CLSTN2: variants seen among roughly 807,000 people sequenced by gnomAD.
CLSTN2 encodes the protein calsyntenin-2.
CLSTN2 carries 48 observed loss-of-function variants against 101.2 expected under a neutral mutation model. That is an observed-to-expected ratio of 0.47 (90% CI 0.38 to 0.60). The LOEUF (loss-of-function observed/expected upper bound fraction) is 0.60. Ranked by LOEUF, CLSTN2 falls within the 20% of genes least tolerant of loss-of-function variation. The probability of loss-of-function intolerance (pLI) is 0.00; values close to 1 mark genes in which losing one functional copy is unlikely to be tolerated. For synonymous variants in CLSTN2, 481 were observed against 463.6 expected (o/e 1.04, Z -0.48); for missense variants, 1,160 against 1,238.2 (o/e 0.94, Z 0.95).
intron 2 of CLSTN2, among the ~76,000 whole-genome samples, chr3:140,276,396 G>A (rs1478236701): frequency 2.6e-5 from 4 of 152,116 alleles, no homozygotes; most frequent in East Asian, 1.9e-4. Context: ...CACCCTTCAC[G>A]GCTCAGTTAT....
rs1480013469 is a variant in CLSTN2, at chr3:140,556,583, T to A, written c.1745T>A (p.Leu582His). Reference protein sequence around the residue: ...GDDIGNINRALQKVSYINSRQ... With the variant: ...GDDIGNINRAHQKVSYINSRQ... ...GACATTGGGAACATTAACCGTGCTC[T>A]CCAGAAAGTCTCCTACATCAACTCC... is the stretch of plus-strand genomic sequence containing the variant. Residue 582 changes from leucine (L) to histidine (H), a missense_variant, in exon 11 of 17, where the codon CTC becomes CAC. Transcript: ENST00000458420. 6.2e-7 allele frequency: 1 copy of A among 1,614,084 alleles called. No individual in the cohort carries two copies. Among genetic ancestry groups the A allele is most frequent in the Non-Finnish European group, 8.5e-7 (1 of 1,179,984 alleles).
chr3:140,404,380 G>A (rs541115216), intron 3 of CLSTN2, among the ~76,000 whole-genome samples, 178 bp from the exon 4 acceptor site: 2 of 152,248 alleles, frequency 1.3e-5, no homozygotes, highest in South Asian at 2.1e-4. Context: ...TCAGAGCAAG[G>A]GCAAGTAGAG....
chr3:140,161,200 T>G (rs1463660915), intron 1 of CLSTN2, among the ~76,000 whole-genome samples: 1 of 152,146 alleles, frequency 6.6e-6, no homozygotes, highest in Non-Finnish European at 1.5e-5. Flanking sequence ...GAATTACCCT[T>G]TAAAATCTCC....
At chr3:140,016,171 T>C (rs780233388) in intron 1 of CLSTN2, among the ~76,000 whole-genome samples, 18 of 152,140 alleles carry the variant, frequency 1.2e-4, no homozygotes, top group Non-Finnish European at 2.2e-4. Flanking sequence ...TTGGACCTTT[T>C]AAGAGCTCTA....
At chr3:140,330,425 G>T (rs1413604900) in intron 2 of CLSTN2, among the ~76,000 whole-genome samples, 1 of 152,166 alleles carries the variant, frequency 6.6e-6, no homozygotes, top group Non-Finnish European at 1.5e-5. Context: ...TCTTTTAAAG[G>T]TATAATTTTG....
At chr3:140,076,626 T>TTTTTTTTG (rs2008495855) in intron 1 of CLSTN2, among the ~76,000 whole-genome samples, 1 of 9,974 alleles carries the variant, frequency 1.0e-4, no homozygotes, top group Non-Finnish European at 3.8e-4. Context: ...ACCAGCAGTG[T>TTTTTTTTG]TTTTTTTTTT....
At chr3:139,974,901 C>T (rs1002492834) in intron 1 of CLSTN2, among the ~76,000 whole-genome samples, 6 of 152,058 alleles carry the variant, frequency 3.9e-5, no homozygotes, top group Admixed American at 6.6e-5. Context: ...GAGAGGAGAG[C>T]GGAGGAGGAG....
intron 2 of CLSTN2, among the ~76,000 whole-genome samples, chr3:140,224,231 G>A (rs532259806): frequency 3.9e-5 from 6 of 152,234 alleles, no homozygotes; most frequent in African/African-American, 4.8e-5. Context: ...GACCAATGGC[G>A]AATCATTTAA....
At chr3:139,941,580 A>G (rs1935131137) in intron 1 of CLSTN2, among the ~76,000 whole-genome samples, 1 of 151,928 alleles carries the variant, frequency 6.6e-6, no homozygotes, top group Non-Finnish European at 1.5e-5. Context: ...TGCATCACAG[A>G]CCCCCCGAAG....
At chr3:140,284,166 C>T (rs563740820) in intron 2 of CLSTN2, among the ~76,000 whole-genome samples, 31 of 152,226 alleles carry the variant, frequency 2.0e-4, no homozygotes, top group African/African-American at 7.5e-4. Flanking sequence ...TCCAAAGATA[C>T]AGCAATGACA....
intron 1 of CLSTN2, among the ~76,000 whole-genome samples, chr3:140,035,472 G>C (rs2007635532): frequency 2.0e-5 from 3 of 152,244 alleles, no homozygotes; most frequent in African/African-American, 7.2e-5. Flanking sequence ...AAAGGCAAAA[G>C]AGCATCAGGG....
chr3:140,407,849 G>A (rs987269286), intron 4 of CLSTN2, among the ~76,000 whole-genome samples: 1 of 152,140 alleles, frequency 6.6e-6, no homozygotes, highest in African/African-American at 2.4e-5. Flanking sequence ...ACTCAACCCA[G>A]GTCTCCTGAG....
intron 2 of CLSTN2, among the ~76,000 whole-genome samples, chr3:140,388,773 T>A (rs774672259): frequency 6.6e-6 from 1 of 152,220 alleles, no homozygotes; most frequent in Non-Finnish European, 1.5e-5. Context: ...GGCTATTAAG[T>A]GGTGAGAGCT....
intron 1 of CLSTN2, among the ~76,000 whole-genome samples, chr3:139,974,864 G>A (rs1485876871): frequency 6.6e-6 from 1 of 152,196 alleles, no homozygotes; most frequent in South Asian, 2.1e-4. Flanking sequence ...CCCTGGCCCT[G>A]TACAGAGGTC....
intron 2 of CLSTN2, among the ~76,000 whole-genome samples, chr3:140,272,320 G>A (rs1466033879): frequency 6.6e-6 from 1 of 152,200 alleles, no homozygotes; most frequent in African/African-American, 2.4e-5. Flanking sequence ...CAGACACAGA[G>A]TAACCATGCA....
At chr3:140,137,626 A>T (rs1051504772) in intron 1 of CLSTN2, among the ~76,000 whole-genome samples, 3 of 152,192 alleles carry the variant, frequency 2.0e-5, no homozygotes, top group African/African-American at 7.2e-5. Flanking sequence ...TGTGTTTGGC[A>T]TTGCATACTT....
At chr3:140,427,422 G>A (rs1368861347) in intron 5 of CLSTN2, among the ~76,000 whole-genome samples, 3 of 151,752 alleles carry the variant, frequency 2.0e-5, no homozygotes, top group Non-Finnish European at 4.4e-5. Context: ...GTGGCAACAT[G>A]GAAGGAGAAG....
intron 1 of CLSTN2, among the ~76,000 whole-genome samples, chr3:140,083,735 G>A (rs1441047590): frequency 2.0e-5 from 3 of 152,160 alleles, no homozygotes; most frequent in Non-Finnish European, 4.4e-5. Flanking sequence ...CCTGTGCTGG[G>A]GAGTCTTCCC....
chr3:139,937,329 A>C (rs1419961936), intron 1 of CLSTN2, among the ~76,000 whole-genome samples: 1 of 152,116 alleles, frequency 6.6e-6, no homozygotes, highest in Non-Finnish European at 1.5e-5. Context: ...AGAAGGAGAG[A>C]GATAAAAAAG....
Sources: allele counts gnomAD v4.1 joint callset (sites outside exome capture counted in the v4.1 genomes callset), GRCh38; gene constraint gnomAD v4.1.1; transcripts MANE v1.5; gene names NCBI Gene and HGNC (gene_info 2026-07-23, HGNC 2026-07-21).